Variants in TTLL12 observed in about 807,000 individuals in gnomAD.
TTLL12 encodes tubulin tyrosine ligase like 12, also known as tubulin--tyrosine ligase-like protein 12.
TTLL12 carries 77 observed loss-of-function variants against 79.6 expected under a neutral mutation model. The ratio of observed to expected loss-of-function variants is 0.97; its 90% CI spans 0.81 to 1.17. TTLL12 has a LOEUF of 1.17. TTLL12 is among the 50% of genes most tolerant of loss of function. TTLL12 has a pLI of 0.00. For missense variants in TTLL12, 969 were observed against 895.9 expected (o/e 1.08, Z -1.04); for synonymous variants, 437 against 376.1 (o/e 1.16, Z -1.87).
chr22:43,180,466 G>T (rs1932027135), intron 3 of TTLL12, among the ~76,000 whole-genome samples: 1 of 152,170 alleles, frequency 6.6e-6, no homozygotes, highest in Non-Finnish European at 1.5e-5. Context: ...AGGAATGGTT[G>T]AGGGCTTTTA....
chr22:43,174,273 G>C lies in TTLL12; in HGVS notation c.1165C>G (p.Arg389Gly). Residue 389 changes from arginine to glycine, a missense_variant, in exon 8 of 14, where the codon CGA becomes GGA. Coordinates refer to ENST00000216129, the MANE Select transcript of TTLL12 (RefSeq NM_015140.4). Reference protein sequence around the residue: ...GGPEGPPWLPRTFNLRTELPQ... With the variant: ...GGPEGPPWLPGTFNLRTELPQ... ...AGCTCAGTGCGCAGGTTGAAGGTTC[G>C]GGGCAGCCAGGGTGGGCCCTCGGGG... is the stretch of plus-strand genomic sequence containing the variant. 6.2e-7 allele frequency: 1 copy of C among 1,610,654 alleles called. No homozygotes were observed. The highest frequency in any genetic ancestry group is 8.5e-7 in the Non-Finnish European group (1 of 1,179,816).
intron 11 of TTLL12, among the ~76,000 whole-genome samples, chr22:43,171,028 G>T (rs1272634716): frequency 6.6e-6 from 1 of 152,240 alleles, no homozygotes; most frequent in East Asian, 1.9e-4. Context: ...ACAGCCACAC[G>T]TTCAGGGGTC....
At chr22:43,180,564 T>G (rs1242784293) in intron 3 of TTLL12, among the ~76,000 whole-genome samples, 178 bp downstream of exon 3, 6 of 152,160 alleles carry the variant, frequency 3.9e-5, no homozygotes, top group Non-Finnish European at 8.8e-5. Context: ...GGCTGCGTCC[T>G]GTGAGCTCAG....
intron 11 of TTLL12, chr22:43,170,355 TG>T (rs372317114): frequency 2.1e-4 from 42 of 195,946 alleles, no homozygotes; most frequent in African/African-American, 8.7e-4. Context: ...TCGGCCCCTG[TG>T]GGGAGTGTGT....
rs368879150 is a variant in TTLL12, at chr22:43,180,010, G to A, written c.547-10C>T. The A allele has an allele frequency of 3.2e-6, 5 of 1,577,724 alleles. No homozygotes were observed. The African/African-American group carries it at 6.7e-5, about 21-fold the overall frequency. ...TCTTCTCCTCAGCTGTCTGCAGACA[G>A]AGCACATATGGCACCTCTCGCTCAC... On this transcript the variant is annotated splice_polypyrimidine_tract_variant and intron_variant, in intron 3 of 13. Coordinates refer to ENST00000216129, the MANE Select transcript of TTLL12 (RefSeq NM_015140.4).
At chr22:43,184,167 C>T (rs951204482) in intron 1 of TTLL12, among the ~76,000 whole-genome samples, 1 of 152,248 alleles carries the variant, frequency 6.6e-6, no homozygotes, top group Non-Finnish European at 1.5e-5. Flanking sequence ...GCATAAAGTC[C>T]TGGCGCACAG....
At chr22:43,178,883 G>A (rs1931980976) in intron 5 of TTLL12, among the ~76,000 whole-genome samples, 1 of 152,192 alleles carries the variant, frequency 6.6e-6, no homozygotes, top group Non-Finnish European at 1.5e-5. Context: ...AGTGGCACAC[G>A]CCCACAAAGT....
At position 43,180,802 on chromosome 22, in the gene TTLL12, A is replaced by G. The variant is rs779116325; in HGVS notation, c.486T>C (p.Ala162=). 1.9e-6 allele frequency: 3 copies of G among 1,613,234 alleles called. No homozygotes were observed. Among genetic ancestry groups the G allele is most frequent in the Non-Finnish European group, 2.5e-6 (3 of 1,179,988 alleles). ...ACATCTCCTCCAGCACCAGGGCCAC[A>G]GCCTCTGTACTGGGCAGCTCACCGT... The part of the protein sequence containing the change: ...EFHGELPSTE[A]VALVLEEMWK... Residue 162 remains alanine, a synonymous_variant, in exon 3 of 14, where the codon GCT becomes GCC. Transcript: ENST00000216129.
chr22:43,180,133 G>A, intron 3 of TTLL12, 133 bp from the exon 4 acceptor site: 1 of 1,104,268 alleles, frequency 9.1e-7, no homozygotes, highest in Non-Finnish European at 1.3e-6. Flanking sequence ...TGTACCCCAG[G>A]CCCTTTAGCT....
chr22:43,181,322 C>G (rs77791655), intron 2 of TTLL12, among the ~76,000 whole-genome samples: 4 of 152,262 alleles, frequency 2.6e-5, no homozygotes, highest in African/African-American at 9.6e-5. Flanking sequence ...AACTGGACCT[C>G]GGGCCACTGC....
chr22:43,173,825 C>T lies in TTLL12; in HGVS notation c.1231G>A (p.Gly411Ser). ...TTGCAGATCCAGTGGTTGTCCTCGC[C>T]CCTGGGGAGCAGAAGGGCTGTCTGG... ...VSYFQQRERWGEDNHWICKPW... is the reference protein window; with the variant it reads ...VSYFQQRERWSEDNHWICKPW... Residue 411 changes from glycine to serine, a missense_variant and splice_region_variant, in exon 9 of 14, where the codon GGC becomes AGC. Physicochemically the swap from Gly to Ser is moderately conservative, Grantham distance 56. Transcript: ENST00000216129. 4 of 1,602,156 alleles carry T rather than the reference C, an allele frequency of 2.5e-6. No individual in the cohort carries two copies. The highest frequency in any genetic ancestry group is 3.4e-6 in the Non-Finnish European group (4 of 1,179,582).
rs1932104674 is a variant in TTLL12 at position 43,183,275 on chromosome 22, G to A, written c.178-126C>T. The stretch of plus-strand genomic sequence containing the variant: ...CAAGGACAAACTTGTCTCCTTCAGA[G>A]GTGTGGGACCTGTTTAATGCAACCA... On this transcript the variant is annotated intron_variant, in intron 1 of 13. Transcript: ENST00000216129. 4.2e-6 allele frequency: 5 copies of A among 1,183,538 alleles called. No homozygotes were observed. In the Admixed American group the frequency reaches 8.4e-5, roughly 20 times the overall value. 73.3% of individuals were successfully genotyped at this position (1,183,538 alleles called of 1,614,324 possible).
rs892975967 is a variant in TTLL12 at position 43,179,955 on chromosome 22, C to T, written c.592G>A (p.Gly198Ser). 12 of 1,610,046 alleles carry T rather than the reference C, an allele frequency of 7.5e-6. No homozygotes were observed. Among genetic ancestry groups the T allele is most frequent in the South Asian group, 4.4e-5 (4 of 91,024 alleles). The change falls in exon 4 of 14, where the codon GGT becomes AGT. Residue 198 changes from glycine to serine, a missense_variant. By Grantham distance (56) the Gly-to-Ser change is moderately conservative. Transcript: ENST00000216129. The stretch of plus-strand genomic sequence containing the variant: ...ACGTCCGCGTGCTGGATCCGCGAAC[C>T]GAACTCGTCCATGATATACCACACC... ...MPVWYIMDEF[G>S]SRIQHADVPS...
At chr22:43,168,655 T>G (rs963116168) in intron 13 of TTLL12, 119 bp downstream of exon 13, 1 of 1,401,876 alleles carries the variant, frequency 7.1e-7, no homozygotes, top group African/African-American at 1.4e-5. Flanking sequence ...CAACCCAGAT[T>G]CCTGGCTGAT....
intron 5 of TTLL12, among the ~76,000 whole-genome samples, chr22:43,177,777 C>T (rs999274711): frequency 1.3e-5 from 2 of 152,176 alleles, no homozygotes; most frequent in African/African-American, 4.8e-5. Context: ...CAGAGGCACC[C>T]CGTTGAGCCA....
intron 1 of TTLL12, chr22:43,185,970 T>A (rs1932173140): frequency 1.0e-6 from 1 of 985,434 alleles, no homozygotes. Context: ...ACTGCACGTT[T>A]CCAGCAGGAA....
chr22:43,183,250 C>G (rs1932104245), intron 1 of TTLL12, 101 bp from the exon 2 acceptor site: 13 of 1,429,194 alleles, frequency 9.1e-6, no homozygotes, highest in Non-Finnish European at 1.3e-5. Context: ...ACCCAGGCCT[C>G]AAGGACAAAC....
intron 5 of TTLL12, among the ~76,000 whole-genome samples, chr22:43,178,317 C>G (rs144824988): frequency 6.7e-6 from 1 of 148,814 alleles, no homozygotes; most frequent in East Asian, 2.0e-4. Flanking sequence ...CACACACGCC[C>G]GCTCTATTTT....
chr22:43,171,897 G>A lies in TTLL12; in HGVS notation c.1497C>T (p.Ala499=). Residue 499 remains alanine, a synonymous_variant, in exon 11 of 14, where the codon GCC becomes GCT. Transcript: ENST00000216129. ...DVFWLRFSNR[A]FALNDLDDYE... is the part of the protein sequence containing the mutation. ...AGTCATCCAGGTCGTTGAGTGCAAA[G>A]GCCCTGGAAGACAAGTGTGCAGACA... 1 of 1,614,038 alleles carries A rather than the reference G, an allele frequency of 6.2e-7. No individual in the cohort carries two copies. Among genetic ancestry groups the A allele is most frequent in the Non-Finnish European group, 8.5e-7 (1 of 1,179,922 alleles).
Sources: allele counts gnomAD v4.1 joint callset (sites outside exome capture counted in the v4.1 genomes callset), GRCh38; gene constraint gnomAD v4.1.1; transcripts MANE v1.5; gene names NCBI Gene and HGNC (gene_info 2026-07-23, HGNC 2026-07-21).